STT3A: variants seen among roughly 807,000 people sequenced by gnomAD.
STT3A encodes STT3 oligosaccharyltransferase complex catalytic subunit A, also known as dolichyl-diphosphooligosaccharide--protein glycosyltransferase subunit STT3A.
In STT3A, 34 loss-of-function variants were observed where a neutral mutation model predicts 89.2. The ratio of observed to expected loss-of-function variants is 0.38; its 90% CI spans 0.29 to 0.51. The LOEUF (loss-of-function observed/expected upper bound fraction) is 0.51, where lower values mean the gene tolerates loss of function less well. Ranked by LOEUF, STT3A falls within the 20% of genes least tolerant of loss-of-function variation. The probability of loss-of-function intolerance (pLI) is 0.89; values close to 1 mark genes in which losing one functional copy is unlikely to be tolerated. For missense variants in STT3A, 555 were observed against 889.5 expected (o/e 0.62, Z 4.78); for synonymous variants, 282 against 310.3 (o/e 0.91, Z 0.96).
intron 16 of STT3A, among the ~76,000 whole-genome samples, chr11:125,619,497 T>C (rs1172613325): frequency 6.6e-6 from 1 of 152,192 alleles, no homozygotes; most frequent in Admixed American, 6.5e-5. Context: ...TACTTTTTAT[T>C]GTCCTTAAGG....
Position 125,618,504 on chromosome 11 carries a change from A to C in STT3A, c.1906A>C (p.Asn636His). Residue 636 changes from asparagine to histidine, a missense_variant, in exon 16 of 18, where the codon AAC becomes CAC. By Grantham distance (68) the Asn-to-His change is moderately conservative. Coordinates refer to ENST00000392708, the MANE Select transcript of STT3A (RefSeq NM_152713.5). ...VDREGSPVLL[N>H]CLMYKMCYYR... ...CCGTGAAGGTTCTCCAGTGCTGCTC[A>C]ACTGCCTCATGTACAAGATGTGTTA... The C allele has an allele frequency of 6.2e-7, 1 of 1,614,112 alleles. No homozygotes were observed. The highest frequency in any genetic ancestry group is 1.1e-5 in the South Asian group (1 of 91,076).
rs966263477 is a variant in STT3A, at chr11:125,621,228, C to T, written c.*418C>T. ...AAAACTATCAAAGACCAATTCAGAT[C>T]CTACATTTACAGACAGTTTTGTCAT... On this transcript the variant is annotated 3_prime_UTR_variant, in exon 18 of 18. Coordinates refer to ENST00000392708, the MANE Select transcript of STT3A (RefSeq NM_152713.5). 11 of 158,510 alleles carry T rather than the reference C, an allele frequency of 6.9e-5. No homozygotes were observed. The highest frequency in any genetic ancestry group is 2.8e-5 in the Non-Finnish European group (2 of 72,402). The allele number at this position is 158,510 out of a possible 1,614,324, so 9.8% of individuals were successfully genotyped here.
At chr11:125,593,570 T>A (rs536428127) in intron 1 of STT3A, 1 of 152,322 alleles carries the variant, frequency 6.6e-6, no homozygotes, top group African/African-American at 2.4e-5. Context: ...CAAGTAGAGA[T>A]CCTAGCAGTC....
At position 125,597,051 on chromosome 11, in the gene STT3A, T is replaced by A; in HGVS notation, c.89-8T>A. 1 of 1,614,112 alleles carries A rather than the reference T, an allele frequency of 6.2e-7. No individual in the cohort carries two copies. Among genetic ancestry groups the A allele is most frequent in the Non-Finnish European group, 8.5e-7 (1 of 1,180,008 alleles). ...ACCAATAAAATATTAACTCTCTGGT[T>A]TTTGCAGCCTTCTCCACTCGTCTGT... On this transcript the variant is annotated splice_region_variant and splice_polypyrimidine_tract_variant and intron_variant, in intron 2 of 17. Transcript: ENST00000392708.
At chr11:125,605,148 A>C (rs1428165673) in intron 6 of STT3A, among the ~76,000 whole-genome samples, 1 of 151,210 alleles carries the variant, frequency 6.6e-6, no homozygotes, top group Non-Finnish European at 1.5e-5. Flanking sequence ...AAAAAAAAAA[A>C]GCAGACTGGA....
At position 125,611,646 on chromosome 11, in the gene STT3A, A is replaced by G. The variant is rs375158855; in HGVS notation, c.1209+127A>G. On this transcript the variant is annotated intron_variant, in intron 11 of 17. Transcript: ENST00000392708. Reference sequence around the variant, plus strand: ...TTCCCTCTGAGCATTTGAGGGAATGAGTTGTAAGTTGTTGATCCTTTCCAG... The same window carrying G: ...TTCCCTCTGAGCATTTGAGGGAATGGGTTGTAAGTTGTTGATCCTTTCCAG... 115 of 824,788 alleles carry G rather than the reference A, an allele frequency of 1.4e-4. 1 individual carries two copies. In the East Asian group the frequency reaches 2.5e-3, roughly 18 times the overall value. The allele number at this position is 824,788 out of a possible 1,614,324, so 51.1% of individuals were successfully genotyped here.
At position 125,614,070 on chromosome 11, in the gene STT3A, T is replaced by A. The variant is rs577521557; in HGVS notation, c.1555-17T>A. ...CAGTGAGAAGCTTGTTATTTCCATTTCCCATTCTACTTTCAGGATGCGAAG... is the reference window on the plus strand; with the variant it reads ...CAGTGAGAAGCTTGTTATTTCCATTACCCATTCTACTTTCAGGATGCGAAG... On this transcript the variant is annotated splice_polypyrimidine_tract_variant and intron_variant, in intron 13 of 17. Coordinates refer to ENST00000392708, the MANE Select transcript of STT3A (RefSeq NM_152713.5). This position sits in a 1 kb window ranked among gnomAD's most constrained non-coding sequence, Gnocchi z 4.9. The A allele has an allele frequency of 9.3e-6, 15 of 1,609,298 alleles. No homozygotes were observed. The highest frequency in any genetic ancestry group is 5.0e-5 in the Admixed American group (3 of 59,942).
chr11:125,615,465 C>T (rs1940152508), intron 15 of STT3A, among the ~76,000 whole-genome samples: 1 of 151,578 alleles, frequency 6.6e-6, no homozygotes, highest in African/African-American at 2.4e-5. Context: ...TGGGTTCAAC[C>T]AACCACAAAT....
intron 5 of STT3A, among the ~76,000 whole-genome samples, chr11:125,603,820 A>AAT (rs2135920249): frequency 6.6e-6 from 1 of 152,290 alleles, no homozygotes; most frequent in African/African-American, 2.4e-5. Context: ...AATGATGTAC[A>AAT]GATATTGTTA....
chr11:125,609,634 C>T (rs993589717), intron 10 of STT3A, 45 bp downstream of exon 10: 3 of 1,572,002 alleles, frequency 1.9e-6, no homozygotes, highest in Non-Finnish European at 2.6e-6. Context: ...ATAAGAATCA[C>T]AATTTGATTC....
intron 1 of STT3A, among the ~76,000 whole-genome samples, chr11:125,594,380 G>T (rs1275608325): frequency 6.6e-6 from 1 of 152,092 alleles, no homozygotes; most frequent in African/African-American, 2.4e-5. Context: ...AAGAGATCCA[G>T]ACCACCCTGG....
At chr11:125,594,133 T>C (rs1426126478) in intron 1 of STT3A, among the ~76,000 whole-genome samples, 2 of 152,224 alleles carry the variant, frequency 1.3e-5, no homozygotes, top group South Asian at 2.1e-4. Context: ...GACTTGATCA[T>C]TACACATTAT....
chr11:125,614,101 G>T lies in STT3A; in HGVS notation c.1569G>T (p.Met523Ile). ...RHNTPEDAKV[M>I]SWWDYGYQIT... ...TCTACTTTCAGGATGCGAAGGTCAT[G>T]TCCTGGTGGGATTATGGCTATCAGA... The change falls in exon 14 of 18, where the codon ATG (methionine) becomes ATT (isoleucine). Residue 523 changes from methionine (M) to isoleucine (I), a missense_variant. Coordinates refer to ENST00000392708, the MANE Select transcript of STT3A (RefSeq NM_152713.5). This position sits in a 1 kb window ranked among gnomAD's most constrained non-coding sequence, Gnocchi z 4.9. 1.2e-6 allele frequency: 2 copies of T among 1,614,136 alleles called. No homozygotes were observed. The highest frequency in any genetic ancestry group is 1.7e-6 in the Non-Finnish European group (2 of 1,180,006).
At chr11:125,612,103 C>T (rs770525864) in intron 11 of STT3A, among the ~76,000 whole-genome samples, 6 of 151,770 alleles carry the variant, frequency 4.0e-5, no homozygotes, top group Admixed American at 6.6e-5. Flanking sequence ...CTTGAACTCC[C>T]GACCTCAGGT....
chr11:125,609,292 C>G (rs1939929562), intron 9 of STT3A, 142 bp from the exon 10 acceptor site: 1 of 1,000,532 alleles, frequency 1.0e-6, no homozygotes, highest in South Asian at 2.0e-5. Flanking sequence ...GTGAAACTCT[C>G]TAAGTATTGG....
intron 15 of STT3A, among the ~76,000 whole-genome samples, chr11:125,615,851 A>G (rs1040298425): frequency 3.9e-5 from 6 of 152,216 alleles, no homozygotes; most frequent in African/African-American, 1.4e-4. Context: ...AGCCTGCCCA[A>G]CATGATGAAA....
rs1940269490 is a variant in STT3A, at chr11:125,619,153, GA to G, written c.1963+593del. 2.0e-5 allele frequency among the ~76,000 whole-genome samples: 3 copies of G among 152,034 alleles called. No homozygotes were observed. The South Asian group carries it at 6.2e-4, about 32-fold the overall frequency. ...CAACCTCCACCTCCCCGGTTCAAGCGATTCTCCTGCCTCAGCCTCCCGAGTA... is the reference window on the plus strand; with the variant it reads ...CAACCTCCACCTCCCCGGTTCAAGCGTTCTCCTGCCTCAGCCTCCCGAGTA... On this transcript the variant is annotated intron_variant, in intron 16 of 17. Coordinates refer to ENST00000392708, the MANE Select transcript of STT3A (RefSeq NM_152713.5).
At chr11:125,597,772 A>G (rs1939539461) in intron 3 of STT3A, among the ~76,000 whole-genome samples, 1 of 152,266 alleles carries the variant, frequency 6.6e-6, no homozygotes, top group East Asian at 1.9e-4. Context: ...TGTTCATTAG[A>G]TGAAAAAGAT....
intron 15 of STT3A, among the ~76,000 whole-genome samples, chr11:125,617,654 A>G (rs1179792938): frequency 6.6e-6 from 1 of 152,186 alleles, no homozygotes; most frequent in Non-Finnish European, 1.5e-5. Context: ...TGACACAGAA[A>G]TGTTGACTTC....
Sources: gnomAD v4.1 joint callset for allele counts (sites outside exome capture counted in the v4.1 genomes callset) on GRCh38, gnomAD v4.1.1 for gene constraint, Gnocchi (gnomAD v3.1) non-coding constraint, MANE v1.5 for transcripts, NCBI Gene and HGNC (gene_info 2026-07-23, HGNC 2026-07-21) for gene names.